NUMB: variants seen among roughly 807,000 people sequenced by gnomAD.
NUMB encodes NUMB endocytic adaptor protein.
NUMB carries 29 observed loss-of-function variants against 59.7 expected under a neutral mutation model. The ratio of observed to expected loss-of-function variants is 0.49; its 90% CI spans 0.36 to 0.66. The LOEUF is 0.66. NUMB is among the 30% of genes least tolerant of loss of function. NUMB has a pLI of 0.00. For missense variants in NUMB, 723 were observed against 822.0 expected (o/e 0.88, Z 1.47); for synonymous variants, 288 against 288.2 (o/e 1.00, Z 0.01).
At chr14:73,435,701 TATA>T (rs1442257908) in intron 1 of NUMB, among the ~76,000 whole-genome samples, 2 of 151,780 alleles carry the variant, frequency 1.3e-5, no homozygotes, top group African/African-American at 2.4e-5. Context: ...GCCTTCTCAT[TATA>T]ATAACCAAAA....
chr14:73,292,741 T>A lies in NUMB; in HGVS notation c.443A>T (p.Lys148Met). ...RWICHCFMAV[K>M]DTGERLSHAV... Reference sequence around the variant, plus strand: ...CATATTTGCTGGACTCACTGTGTCCTTGACAGCCATGAAGCAGTGACAGAT... The same window carrying A: ...CATATTTGCTGGACTCACTGTGTCCATGACAGCCATGAAGCAGTGACAGAT... Residue 148 changes from lysine to methionine, a missense_variant, in exon 8 of 13, where the codon AAG (lysine) becomes ATG (methionine). This residue lies in a region of NUMB where 317 missense variants were observed against 436.6 expected (regional missense o/e 0.73). Coordinates refer to ENST00000555238, the MANE Select transcript of NUMB (RefSeq NM_001005743.2). The A allele has an allele frequency of 6.2e-7, 1 of 1,614,198 alleles. No homozygotes were observed. Among genetic ancestry groups the A allele is most frequent in the Non-Finnish European group, 8.5e-7 (1 of 1,180,018 alleles).
Position 73,275,319 on chromosome 14 carries a change from A to AATGAG in NUMB, c.*1254_*1258dup, listed in dbSNP as rs969786633. 2.6e-5 allele frequency: 4 copies of AATGAG among 152,584 alleles called. No individual in the cohort carries two copies. The highest frequency in any genetic ancestry group is 9.7e-5 in the African/African-American group (4 of 41,426). 9.5% of individuals were successfully genotyped at this position (152,584 alleles called of 1,614,324 possible). A position where few individuals can be genotyped will look rare whatever the true frequency, so the allele number is the denominator to read the frequency against. On this transcript the variant is annotated 3_prime_UTR_variant, in exon 13 of 13. Transcript: ENST00000555238. ...TGTAAGGCCAACGTTCAAAAGTAAAAATGAGATGAGCTCTCTTATTGTTAT... is the reference window on the plus strand; with the variant it reads ...TGTAAGGCCAACGTTCAAAAGTAAAAATGAGATGAGATGAGCTCTCTTATTGTTAT...
At chr14:73,442,226 C>T (rs1883116861) in intron 1 of NUMB, among the ~76,000 whole-genome samples, 4 of 148,194 alleles carry the variant, frequency 2.7e-5, no homozygotes, top group Admixed American at 2.7e-4. Flanking sequence ...AAAAAAAAAA[C>T]GGGCAGGAGT....
At chr14:73,445,063 T>C (rs1883376569) in intron 1 of NUMB, among the ~76,000 whole-genome samples, 1 of 152,042 alleles carries the variant, frequency 6.6e-6, no homozygotes, top group Admixed American at 6.6e-5. Context: ...TGAAAATTTA[T>C]CTAATAGGTT....
At chr14:73,412,520 G>A (rs1235753378) in intron 1 of NUMB, among the ~76,000 whole-genome samples, 1 of 151,582 alleles carries the variant, frequency 6.6e-6, no homozygotes, top group African/African-American at 2.4e-5. Context: ...CCAGCTACTC[G>A]GGAGGCTGAG....
At chr14:73,305,389 G>A (rs540549192) in intron 6 of NUMB, among the ~76,000 whole-genome samples, 2 of 151,844 alleles carry the variant, frequency 1.3e-5, no homozygotes, top group South Asian at 2.1e-4. Flanking sequence ...CTGTGTCCCC[G>A]AATTCATTTT....
rs559579730 is a variant in NUMB at position 73,346,416 on chromosome 14, G to T, written c.126+9210C>A. Among the ~76,000 whole-genome samples the T allele has an allele frequency of 1.2e-4, 18 of 151,542 alleles. No homozygotes were observed. In the East Asian group the frequency reaches 2.9e-3, roughly 24 times the overall value. On this transcript the variant is annotated intron_variant, in intron 4 of 12. Coordinates refer to ENST00000555238, the MANE Select transcript of NUMB (RefSeq NM_001005743.2). ...AATTGCTTGAACCCAGGAAGCAGAG[G>T]CTGCGGTGAACCGAGACTGCACTAT... is the stretch of plus-strand genomic sequence containing the variant.
At chr14:73,334,677 G>C (rs1025616640) in intron 4 of NUMB, among the ~76,000 whole-genome samples, 1 of 151,968 alleles carries the variant, frequency 6.6e-6, no homozygotes, top group Non-Finnish European at 1.5e-5. Flanking sequence ...GGCTGGGTGC[G>C]GTGGCTCACA....
At chr14:73,399,749 T>A (rs1428259600) in intron 2 of NUMB, among the ~76,000 whole-genome samples, 1 of 149,780 alleles carries the variant, frequency 6.7e-6, no homozygotes, top group Non-Finnish European at 1.5e-5. Context: ...AGCCTGTCTC[T>A]AAAAAATAAA....
At chr14:73,434,586 C>T (rs1897972106) in intron 1 of NUMB, among the ~76,000 whole-genome samples, 1 of 152,112 alleles carries the variant, frequency 6.6e-6, no homozygotes, top group African/African-American at 2.4e-5. Context: ...TACCTCTAGG[C>T]TGGGTGCAGT....
intron 1 of NUMB, among the ~76,000 whole-genome samples, chr14:73,450,780 C>A (rs1437111498): frequency 6.6e-6 from 1 of 150,958 alleles, no homozygotes; most frequent in East Asian, 1.9e-4. Context: ...CAGAGCGAGA[C>A]CCCATCTTAA....
At chr14:73,451,946 T>C (rs1220288229) in intron 1 of NUMB, among the ~76,000 whole-genome samples, 1 of 152,194 alleles carries the variant, frequency 6.6e-6, no homozygotes, top group Non-Finnish European at 1.5e-5. Context: ...AATTGAAGAC[T>C]TTGATCTTGG....
At chr14:73,349,075 T>C (rs1273083012) in intron 4 of NUMB, among the ~76,000 whole-genome samples, 1 of 152,248 alleles carries the variant, frequency 6.6e-6, no homozygotes, top group Admixed American at 6.5e-5. Flanking sequence ...AATAATCATA[T>C]ATATTTTTCT....
At position 73,385,158 on chromosome 14, in the gene NUMB, GTTTTA is replaced by G. The variant is rs1247443153; in HGVS notation, c.-100-18182_-100-18178del. Reference sequence around the variant, plus strand: ...AATGTGGCTAGTTTGAGGAACTGAAGTTTTATTTTATTTTATTTTTTTAGAGACAG... The same window carrying G: ...AATGTGGCTAGTTTGAGGAACTGAAGTTTTATTTTATTTTTTTAGAGACAG... On this transcript the variant is annotated intron_variant, in intron 2 of 12. Transcript: ENST00000555238. Among the ~76,000 whole-genome samples, 7 of 151,808 alleles carry G rather than the reference GTTTTA, an allele frequency of 4.6e-5. No individual in the cohort carries two copies. In the East Asian group the frequency reaches 1.2e-3, roughly 25 times the overall value.
chr14:73,303,358 T>C (rs1420605041), intron 6 of NUMB, among the ~76,000 whole-genome samples: 5 of 152,238 alleles, frequency 3.3e-5, no homozygotes, highest in Middle Eastern at 3.4e-3. Context: ...GGCCAGTGGA[T>C]CACCTGAGGT....
At chr14:73,293,383 GTTTC>G (rs1487758980) in intron 7 of NUMB, among the ~76,000 whole-genome samples, 18 of 140,956 alleles carry the variant, frequency 1.3e-4, no homozygotes, top group Admixed American at 3.0e-4. Flanking sequence ...ATTTCCACTC[GTTTC>G]TTTTTCTTTT....
At chr14:73,353,612 T>C (rs369679419) in intron 4 of NUMB, among the ~76,000 whole-genome samples, 1,087 of 25,646 alleles carry the variant, frequency 0.042, no homozygotes, top group African/African-American at 0.089. Flanking sequence ...CTCGGGAGGC[T>C]GAGGCAGGAG....
intron 1 of NUMB, among the ~76,000 whole-genome samples, chr14:73,422,532 A>G (rs996822072): frequency 1.3e-5 from 2 of 152,196 alleles, no homozygotes; most frequent in Admixed American, 1.3e-4. Flanking sequence ...AAATTTATAA[A>G]GAAAAGAGGT....
chr14:73,372,806 AAT>A (rs1264005321), intron 2 of NUMB, among the ~76,000 whole-genome samples: 6 of 152,228 alleles, frequency 3.9e-5, no homozygotes, highest in African/African-American at 9.6e-5. Context: ...ATATATCTTC[AAT>A]ATGTTATATT....
Sources: allele counts gnomAD v4.1 joint callset (sites outside exome capture counted in the v4.1 genomes callset), GRCh38; gene constraint gnomAD v4.1.1; regional missense constraint gnomAD v4.1.1; transcripts MANE v1.5; gene names NCBI Gene and HGNC (gene_info 2026-07-23, HGNC 2026-07-21).